Variants in ROBO2 observed in about 807,000 individuals in gnomAD.
The protein encoded by ROBO2 is roundabout guidance receptor 2, also known as roundabout homolog 2.
A neutral mutation model predicts 160.8 loss-of-function variants in ROBO2; 53 were observed. That is an observed-to-expected ratio of 0.33 (90% confidence interval 0.26 to 0.41). The LOEUF is 0.41. ROBO2 is among the 10% of genes least tolerant of loss of function. ROBO2 has a pLI of 1.00. For synonymous variants in ROBO2, 664 were observed against 611.7 expected, an observed-to-expected ratio of 1.09 and a Z score of -1.26; for missense variants, 1,577 against 1,722.4, an observed-to-expected ratio of 0.92 and a Z score of 1.49.
chr3:77,319,004 G>A (rs944901128), intron 2 of ROBO2, among the ~76,000 whole-genome samples: 3 of 152,214 alleles, frequency 2.0e-5, no homozygotes, highest in African/African-American at 4.8e-5. Flanking sequence ...TGGCAGATCC[G>A]TCTTCTAGAG....
chr3:76,662,165 A>G (rs1334161936), intron 2 of ROBO2, among the ~76,000 whole-genome samples: 2 of 152,154 alleles, frequency 1.3e-5, no homozygotes, highest in Non-Finnish European at 2.9e-5. Context: ...CTCTTGGCCA[A>G]AAGAAGGGGT....
chr3:77,233,213 T>A (rs1157288646), intron 2 of ROBO2, among the ~76,000 whole-genome samples: 1 of 151,960 alleles, frequency 6.6e-6, no homozygotes, highest in Non-Finnish European at 1.5e-5. Context: ...AAATTCAAAG[T>A]GAATAATACC....
At chr3:76,345,243 C>G (rs1452502506) in intron 2 of ROBO2, among the ~76,000 whole-genome samples, 1 of 152,076 alleles carries the variant, frequency 6.6e-6, no homozygotes, top group African/African-American at 2.4e-5. Context: ...GGGTGAATCT[C>G]TGGAGACCCA....
intron 2 of ROBO2, among the ~76,000 whole-genome samples, chr3:76,771,679 T>C (rs2061914356): frequency 6.6e-6 from 1 of 151,258 alleles, no homozygotes; most frequent in Non-Finnish European, 1.5e-5. Flanking sequence ...ATCACTGGTG[T>C]TACACAGTAA....
intron 1 of ROBO2, among the ~76,000 whole-genome samples, chr3:77,085,437 T>C (rs562449345): frequency 6.6e-6 from 1 of 152,246 alleles, no homozygotes; most frequent in South Asian, 2.1e-4. Flanking sequence ...CTAAGGTGTT[T>C]TTGGTGGAGT....
At chr3:76,560,195 A>T (rs1334779734) in intron 2 of ROBO2, among the ~76,000 whole-genome samples, 1 of 152,116 alleles carries the variant, frequency 6.6e-6, no homozygotes, top group East Asian at 1.9e-4. Context: ...ATCACAAAGC[A>T]CCACTGTGCT....
In ROBO2 at chr3:77,622,271, C is replaced by T. The variant is rs376068100; in HGVS notation, c.3599C>T (p.Pro1200Leu). The stretch of plus-strand genomic sequence containing the variant: ...CAACCTCCACAGCCTCCAGTTCCAC[C>T]GTTAGGTTATGTGTCTGGAGCCTTG... The change falls in exon 23 of 26, where the codon CCG becomes CTG. Residue 1200 changes from proline (P) to leucine (L), a missense_variant. Around this residue, in one of 2 missense-constraint regions of ROBO2, gnomAD observed 637 missense variants for 586.9 expected, o/e 1.09. Transcript: ENST00000461745. 1.7e-5 allele frequency: 28 copies of T among 1,613,992 alleles called. No homozygotes were observed. The highest frequency in any genetic ancestry group is 1.6e-4 in the Middle Eastern group (1 of 6,084).
intron 2 of ROBO2, among the ~76,000 whole-genome samples, chr3:76,949,544 C>T (rs925156320): frequency 1.3e-5 from 2 of 152,162 alleles, no homozygotes; most frequent in African/African-American, 4.8e-5. Flanking sequence ...GTGTCCAAGA[C>T]CGAAGGGCTT....
At chr3:77,220,993 G>A (rs62253269) in intron 2 of ROBO2, among the ~76,000 whole-genome samples, 4,192 of 152,296 alleles carry the variant, frequency 0.028, 65 homozygotes, top group Middle Eastern at 0.054. Context: ...AGCATTGAGT[G>A]TTAAATACCA....
chr3:75,932,241 C>T (rs1318338341), intron 1 of ROBO2, among the ~76,000 whole-genome samples: 1 of 152,110 alleles, frequency 6.6e-6, no homozygotes, highest in East Asian at 1.9e-4. Flanking sequence ...AAGATTACTA[C>T]TAAATCTGAG....
chr3:76,082,876 T>G (rs1321279698), intron 2 of ROBO2, among the ~76,000 whole-genome samples: 1 of 152,118 alleles, frequency 6.6e-6, no homozygotes, highest in Non-Finnish European at 1.5e-5. Flanking sequence ...AATGATTTTT[T>G]TTCAAAATGT....
intron 2 of ROBO2, among the ~76,000 whole-genome samples, chr3:77,354,818 G>A (rs2068835653): frequency 6.6e-6 from 1 of 152,146 alleles, no homozygotes; most frequent in Admixed American, 6.5e-5. Flanking sequence ...CAGAACGAGT[G>A]AAAGGGAAAG....
intron 2 of ROBO2, among the ~76,000 whole-genome samples, chr3:77,376,465 C>G (rs1029917171): frequency 2.6e-5 from 4 of 151,950 alleles, no homozygotes; most frequent in Non-Finnish European, 4.4e-5. Context: ...GCTTAACTTT[C>G]ATTTTTTAAA....
At chr3:76,112,087 C>T (rs1050415374) in intron 2 of ROBO2, among the ~76,000 whole-genome samples, 1 of 152,102 alleles carries the variant, frequency 6.6e-6, no homozygotes, top group East Asian at 1.9e-4. Context: ...TCTATCCAAC[C>T]GTAACTGAAT....
chr3:77,275,899 A>C (rs2059795607), intron 2 of ROBO2, among the ~76,000 whole-genome samples: 1 of 152,174 alleles, frequency 6.6e-6, no homozygotes, highest in African/African-American at 2.4e-5. Context: ...GCTCCTTGGA[A>C]TCTTTACCTT....
At chr3:76,248,141 G>A (rs201174583) in intron 2 of ROBO2, among the ~76,000 whole-genome samples, 1 of 151,884 alleles carries the variant, frequency 6.6e-6, no homozygotes, top group Non-Finnish European at 1.5e-5. Context: ...CCATTACTGG[G>A]TATATACCCA....
At chr3:76,020,777 T>C (rs1316638430) in intron 2 of ROBO2, among the ~76,000 whole-genome samples, 1 of 151,880 alleles carries the variant, frequency 6.6e-6, no homozygotes, top group African/African-American at 2.4e-5. Flanking sequence ...TTTCCTTTTG[T>C]GGTTATTTTC....
At chr3:77,484,652 C>T (rs2085128282) in intron 4 of ROBO2, among the ~76,000 whole-genome samples, 1 of 151,950 alleles carries the variant, frequency 6.6e-6, no homozygotes, top group African/African-American at 2.4e-5. Flanking sequence ...CAATTTCATA[C>T]ATTATTTGAC....
intron 2 of ROBO2, among the ~76,000 whole-genome samples, chr3:75,939,417 T>G (rs544387504): frequency 3.3e-5 from 5 of 152,306 alleles, no homozygotes; most frequent in East Asian, 3.9e-4. Flanking sequence ...TGCTCAAATA[T>G]TCTATCTTTC....
Sources: gnomAD v4.1 joint callset for allele counts (sites outside exome capture counted in the v4.1 genomes callset) on GRCh38, gnomAD v4.1.1 for gene constraint, gnomAD v4.1.1 regional missense constraint, MANE v1.5 for transcripts, NCBI Gene and HGNC (gene_info 2026-07-23, HGNC 2026-07-21) for gene names.